The following PTPRO variants were observed in gnomAD, a reference collection of about 807,000 sequenced individuals.
PTPRO encodes the protein receptor-type tyrosine-protein phosphatase O.
Under a neutral mutation model 145.2 loss-of-function variants are expected in PTPRO, and 62 were observed. The ratio of observed to expected loss-of-function variants is 0.43; its 90% confidence interval spans 0.35 to 0.53. The LOEUF is 0.53. PTPRO is among the 20% of genes least tolerant of loss of function. PTPRO has a pLI of 0.01. For missense variants in PTPRO, 1,345 were observed against 1,482.7 expected, an observed-to-expected ratio of 0.91 and a Z score of 1.53; for synonymous variants, 565 against 514.7, an observed-to-expected ratio of 1.10 and a Z score of -1.32.
intron 1 of PTPRO, among the ~76,000 whole-genome samples, chr12:15,367,600 T>C (rs1274441973): frequency 6.6e-6 from 1 of 152,174 alleles, no homozygotes; most frequent in African/African-American, 2.4e-5. Context: ...TGTTCTCCAC[T>C]TAAATGTCTA....
chr12:15,360,918 ATG>A (rs1190459726), intron 1 of PTPRO, among the ~76,000 whole-genome samples: 119 of 106,278 alleles, frequency 1.1e-3, no homozygotes, highest in African/African-American at 3.8e-3. Flanking sequence ...ATATACACAC[ATG>A]TATATACACA....
At chr12:15,537,250 T>C (rs769161283) in intron 12 of PTPRO, among the ~76,000 whole-genome samples, 1 of 152,120 alleles carries the variant, frequency 6.6e-6, no homozygotes, top group Non-Finnish European at 1.5e-5. Context: ...ACTAAAAATA[T>C]AAATTTGAGT....
chr12:15,494,517 T>A (rs1942061833), intron 2 of PTPRO, among the ~76,000 whole-genome samples: 1 of 152,216 alleles, frequency 6.6e-6, no homozygotes, highest in South Asian at 2.1e-4. Context: ...TGAGTTCTTC[T>A]AAAAACAGTA....
intron 1 of PTPRO, among the ~76,000 whole-genome samples, chr12:15,370,261 A>G (rs1938486203): frequency 6.6e-6 from 1 of 152,122 alleles, no homozygotes; most frequent in African/African-American, 2.4e-5. Context: ...CATTCTTAAA[A>G]TCCCAGCCTC....
intron 14 of PTPRO, among the ~76,000 whole-genome samples, chr12:15,550,911 T>C (rs1309511143): frequency 6.6e-6 from 1 of 152,182 alleles, no homozygotes; most frequent in Non-Finnish European, 1.5e-5. Flanking sequence ...CAAGTCTTTA[T>C]ATAGAGTACA....
In PTPRO at chr12:15,375,638, C is replaced by A. The variant is rs544983025; in HGVS notation, c.75+52837C>A. Among the ~76,000 whole-genome samples, 20 of 151,620 alleles carry A rather than the reference C, an allele frequency of 1.3e-4. No individual in the cohort carries two copies. The South Asian group carries it at 4.2e-3, about 32-fold the overall frequency. On this transcript the variant is annotated intron_variant, in intron 1 of 26. Transcript: ENST00000281171. The stretch of plus-strand genomic sequence containing the variant: ...AGGCACGGTGGTGGGTGCCTGTAAT[C>A]CCAGCTACTTGGGAAGCTGAGGTAG...
At chr12:15,452,503 C>T (rs1368447806) in intron 1 of PTPRO, among the ~76,000 whole-genome samples, 3 of 152,164 alleles carry the variant, frequency 2.0e-5, no homozygotes, top group African/African-American at 7.2e-5. Flanking sequence ...ATGAAGCCAG[C>T]ATCACCCTAA....
chr12:15,488,695 T>C (rs1414058957), intron 2 of PTPRO, among the ~76,000 whole-genome samples: 2 of 152,234 alleles, frequency 1.3e-5, no homozygotes, highest in Admixed American at 6.5e-5. Flanking sequence ...TATTTCACTA[T>C]AGTTGTTCTG....
intron 7 of PTPRO, among the ~76,000 whole-genome samples, chr12:15,513,085 AAAGAAAG>A (rs1191623997): frequency 8.7e-5 from 2 of 22,968 alleles, no homozygotes; most frequent in African/African-American, 2.7e-4. Context: ...AGAAAGAAAG[AAAGAAAG>A]AAGAAAGAAA....
chr12:15,542,510 C>G (rs571781534), intron 12 of PTPRO, among the ~76,000 whole-genome samples: 1 of 152,304 alleles, frequency 6.6e-6, no homozygotes, highest in East Asian at 1.9e-4. Flanking sequence ...GAAGTGGGAA[C>G]CCCCTAGCCA....
At chr12:15,420,785 C>T (rs1940122111) in intron 1 of PTPRO, among the ~76,000 whole-genome samples, 1 of 152,104 alleles carries the variant, frequency 6.6e-6, no homozygotes, top group African/African-American at 2.4e-5. Context: ...AGTTAATGGG[C>T]CCTCCCTTCT....
intron 1 of PTPRO, among the ~76,000 whole-genome samples, chr12:15,389,496 A>G (rs1939129459): frequency 6.6e-6 from 1 of 152,190 alleles, no homozygotes; most frequent in South Asian, 2.1e-4. Context: ...CATCCAGGAT[A>G]ACTTTTCTCT....
intron 1 of PTPRO, among the ~76,000 whole-genome samples, chr12:15,452,364 A>G (rs1254778480): frequency 6.6e-6 from 1 of 152,166 alleles, no homozygotes; most frequent in African/African-American, 2.4e-5. Context: ...AAAATTGCCA[A>G]CAACAAAAGT....
chr12:15,519,364 T>A (rs1339544987), intron 9 of PTPRO, among the ~76,000 whole-genome samples: 1 of 152,242 alleles, frequency 6.6e-6, no homozygotes, highest in Non-Finnish European at 1.5e-5. Flanking sequence ...CCAAACCATA[T>A]CACATAGGTA....
At chr12:15,365,948 T>C (rs7298555) in intron 1 of PTPRO, among the ~76,000 whole-genome samples, 29,797 of 151,994 alleles carry the variant, frequency 0.2, 7,304 homozygotes, top group African/African-American at 0.58. Flanking sequence ...CTAGCAAACA[T>C]ATTTTCTGCC....
At chr12:15,592,470 C>T (rs1445235720) in intron 25 of PTPRO, among the ~76,000 whole-genome samples, 2 of 152,150 alleles carry the variant, frequency 1.3e-5, no homozygotes, top group South Asian at 2.1e-4. Context: ...TTCCACCTCA[C>T]CCAAAAAATT....
In PTPRO at chr12:15,420,466, A is replaced by C. The variant is rs1232658393; in HGVS notation, c.76-63508A>C. On this transcript the variant is annotated intron_variant, in intron 1 of 26. Transcript: ENST00000281171. ...ATGAGACCACACCTTTTTCACCCTG[A>C]AACACAGCCATTCCAATTGTGGAAA... 1.3e-5 allele frequency among the ~76,000 whole-genome samples: 2 copies of C among 151,610 alleles called. 1 individual carries two copies. Among genetic ancestry groups the C allele is most frequent in the African/African-American group, 4.9e-5 (2 of 40,930 alleles).
rs181253470 is a variant in PTPRO, at chr12:15,509,470, G to A, written c.1464+703G>A. Among the ~76,000 whole-genome samples the A allele has an allele frequency of 1.6e-4, 25 of 151,978 alleles. 1 individual carries two copies. The highest frequency in any genetic ancestry group is 4.6e-4 in the African/African-American group (19 of 41,488). On this transcript the variant is annotated intron_variant, in intron 7 of 26. Transcript: ENST00000281171. ...CCAGCACTTTGGAAGGCCGAGGCGGGTGGATCACCTGAGGTCAGGAGTTCG... is the reference window on the plus strand; with the variant it reads ...CCAGCACTTTGGAAGGCCGAGGCGGATGGATCACCTGAGGTCAGGAGTTCG...
At position 15,513,157 on chromosome 12, in the gene PTPRO, AAAAGAAAGAAAGAAAGAAAGAAAGAAAG is replaced by A. The variant is rs1162807747; in HGVS notation, c.1465-2297_1465-2270del. On this transcript the variant is annotated intron_variant, in intron 7 of 26. Transcript: ENST00000281171. ...GAAGGAAGGAAGAAAGAAAGAAAGA[AAAAGAAAGAAAGAAAGAAAGAAAGAAAG>A]AAAGAAAGAAAGAAAGAAAGAAAGA... Among the ~76,000 whole-genome samples the A allele has an allele frequency of 3.2e-4, 10 of 30,832 alleles. 1 individual carries two copies. Among genetic ancestry groups the A allele is most frequent in the East Asian group, 2.1e-3 (3 of 1,420 alleles). 20.2% of individuals were successfully genotyped at this position (30,832 alleles called of 152,430 possible).
Sources: allele counts gnomAD v4.1 joint callset (sites outside exome capture counted in the v4.1 genomes callset), GRCh38; gene constraint gnomAD v4.1.1; transcripts MANE v1.5; gene names NCBI Gene and HGNC (gene_info 2026-07-23, HGNC 2026-07-21).